The following SMAD3 variants were observed in gnomAD, a reference collection of about 807,000 sequenced individuals.
SMAD3 encodes MAD homolog 3.
Under a neutral mutation model 51.8 loss-of-function variants are expected in SMAD3, and 12 were observed. The ratio of observed to expected loss-of-function variants is 0.23; its 90% CI spans 0.15 to 0.38. SMAD3 has a LOEUF of 0.38. Ranked by LOEUF, SMAD3 falls within the 10% of genes least tolerant of loss-of-function variation. The pLI is 1.00. For missense variants in SMAD3, 294 were observed against 565.6 expected, an observed-to-expected ratio of 0.52 and a Z score of 4.87; for synonymous variants, 238 against 227.7, an observed-to-expected ratio of 1.05 and a Z score of -0.41.
At chr15:67,087,342 G>C (rs907849622) in intron 1 of SMAD3, among the ~76,000 whole-genome samples, 1 of 152,142 alleles carries the variant, frequency 6.6e-6, no homozygotes, top group African/African-American at 2.4e-5. Context: ...CTGCAAGTGG[G>C]GGGGTGTTCT....
intron 1 of SMAD3, among the ~76,000 whole-genome samples, chr15:67,090,363 T>G (rs912632652): frequency 6.6e-6 from 1 of 152,088 alleles, no homozygotes; most frequent in Non-Finnish European, 1.5e-5. Flanking sequence ...GTACTCAGAT[T>G]TCCTTCAGAG....
intron 1 of SMAD3, among the ~76,000 whole-genome samples, chr15:67,134,147 G>A (rs1383636971): frequency 2.0e-5 from 3 of 152,174 alleles, no homozygotes; most frequent in Middle Eastern, 6.8e-3. Context: ...GAAAGTGGTG[G>A]TTTCTCCCTT....
chr15:67,138,025 A>G, intron 1 of SMAD3: 1 of 1,551,420 alleles, frequency 6.4e-7, no homozygotes, highest in Non-Finnish European at 8.7e-7. Flanking sequence ...AACTTCACAA[A>G]CATGTCTTGC....
rs566319220 is a variant in SMAD3 at position 67,067,073 on chromosome 15, C to CA, written c.206+714dup. Among the ~76,000 whole-genome samples the CA allele has an allele frequency of 3.3e-5, 5 of 151,946 alleles. No individual in the cohort carries two copies. The East Asian group carries it at 9.7e-4, about 29-fold the overall frequency. ...GGTCTTCTCCCACCTCCCACCCCCC[C>CA]ATCCCGACTCTTTTGCCCTTCTTTT... On this transcript the variant is annotated intron_variant, in intron 1 of 8. Transcript: ENST00000327367.
rs1963376401 is a variant in SMAD3 at position 67,191,893 on chromosome 15, C to G, written c.*1357C>G. On this transcript the variant is annotated 3_prime_UTR_variant, in exon 9 of 9. Coordinates refer to ENST00000327367, the MANE Select transcript of SMAD3 (RefSeq NM_005902.4). ...GTTGTATTGTGTAACAAGTACTGCT[C>G]CCAGCAGCAATTAGGGAGAAAACTA... 8.7e-6 allele frequency: 2 copies of G among 228,736 alleles called. No homozygotes were observed. The highest frequency in any genetic ancestry group is 1.7e-5 in the Non-Finnish European group (2 of 115,078). The allele number at this position is 228,736 out of a possible 1,614,324, so 14.2% of individuals were successfully genotyped here. A position where few individuals can be genotyped will look rare whatever the true frequency, so the allele number is the denominator to read the frequency against.
At chr15:67,071,761 G>A (rs1467227323) in intron 1 of SMAD3, among the ~76,000 whole-genome samples, 2 of 152,140 alleles carry the variant, frequency 1.3e-5, no homozygotes, top group South Asian at 4.1e-4. Context: ...GCAGTGAGCC[G>A]AGATCGCGCC....
chr15:67,117,101 T>A (rs1961152484), intron 1 of SMAD3, among the ~76,000 whole-genome samples: 1 of 152,120 alleles, frequency 6.6e-6, no homozygotes, highest in Non-Finnish European at 1.5e-5. Flanking sequence ...CTGCCTCCCC[T>A]TGTGGAGGGA....
intron 1 of SMAD3, among the ~76,000 whole-genome samples, chr15:67,154,412 C>G (rs1053278890): frequency 1.3e-5 from 2 of 152,112 alleles, no homozygotes; most frequent in African/African-American, 4.8e-5. Context: ...CTGGAACATT[C>G]AAAAACATGC....
At chr15:67,151,992 T>A (rs1392164888) in intron 1 of SMAD3, among the ~76,000 whole-genome samples, 1 of 152,170 alleles carries the variant, frequency 6.6e-6, no homozygotes, top group Non-Finnish European at 1.5e-5. Flanking sequence ...AATAATAATA[T>A]TGTAATATAT....
intron 1 of SMAD3, among the ~76,000 whole-genome samples, chr15:67,135,335 T>G (rs1385184969): frequency 6.6e-6 from 1 of 152,226 alleles, no homozygotes; most frequent in Admixed American, 6.5e-5. Context: ...GCCTGCCCCC[T>G]TCACAGTCCC....
intron 6 of SMAD3, among the ~76,000 whole-genome samples, chr15:67,183,834 C>T (rs1414141424): frequency 6.6e-6 from 1 of 152,094 alleles, no homozygotes; most frequent in Non-Finnish European, 1.5e-5. Flanking sequence ...ATGATATAAA[C>T]CTCTGGAATG....
chr15:67,102,738 A>T (rs1960788585), intron 1 of SMAD3, among the ~76,000 whole-genome samples: 1 of 151,954 alleles, frequency 6.6e-6, no homozygotes, highest in African/African-American at 2.4e-5. Flanking sequence ...ATCTGGATAT[A>T]CCATGTTTCT....
chr15:67,074,019 C>T (rs998714232), intron 1 of SMAD3, among the ~76,000 whole-genome samples: 8 of 152,214 alleles, frequency 5.3e-5, no homozygotes, highest in African/African-American at 1.9e-4. Context: ...TCTAGTTGAT[C>T]AGTGAATGAC....
At chr15:67,099,508 G>C (rs1006704577) in intron 1 of SMAD3, among the ~76,000 whole-genome samples, 2 of 152,204 alleles carry the variant, frequency 1.3e-5, no homozygotes, top group African/African-American at 4.8e-5. Context: ...CCAGTGTTTT[G>C]CTAGCTTATA....
intron 5 of SMAD3, among the ~76,000 whole-genome samples, chr15:67,180,988 A>AT (rs1201411996): frequency 6.6e-6 from 1 of 151,696 alleles, no homozygotes; most frequent in Non-Finnish European, 1.5e-5. Flanking sequence ...AAATAAATAA[A>AT]TAAATAAATA....
At chr15:67,139,669 G>A (rs557993595) in intron 1 of SMAD3, among the ~76,000 whole-genome samples, 41 of 152,194 alleles carry the variant, frequency 2.7e-4, no homozygotes, top group Admixed American at 1.2e-3. Flanking sequence ...AGCCAGGTAC[G>A]ATTCCAGCTA....
At chr15:67,072,519 T>G (rs1190079768) in intron 1 of SMAD3, among the ~76,000 whole-genome samples, 2 of 152,210 alleles carry the variant, frequency 1.3e-5, no homozygotes, top group African/African-American at 4.8e-5. Context: ...CTTTGCCATA[T>G]TGACTGATTA....
intron 4 of SMAD3, among the ~76,000 whole-genome samples, chr15:67,169,403 G>A (rs1962681081): frequency 1.3e-5 from 2 of 152,110 alleles, no homozygotes; most frequent in Admixed American, 1.3e-4. Flanking sequence ...ATTCACTTGA[G>A]GCCAGATGCT....
intron 6 of SMAD3, among the ~76,000 whole-genome samples, chr15:67,183,686 C>T (rs571101808): frequency 6.6e-6 from 1 of 152,278 alleles, no homozygotes; most frequent in African/African-American, 2.4e-5. Context: ...AGAGACTTTG[C>T]CATGCAGGAG....
Sources: gnomAD v4.1 joint callset for allele counts (sites outside exome capture counted in the v4.1 genomes callset) on GRCh38, gnomAD v4.1.1 for gene constraint, MANE v1.5 for transcripts, NCBI Gene and HGNC (gene_info 2026-07-23, HGNC 2026-07-21) for gene names.